Variants in NARS2 observed in about 807,000 individuals in gnomAD.
NARS2 encodes the protein asparaginyl-tRNA synthetase 2, mitochondrial, also known as asparaginyl-tRNA synthetase.
In NARS2, 60 loss-of-function variants were observed where a neutral mutation model predicts 62.9. That is an observed-to-expected ratio of 0.95 (90% CI 0.77 to 1.18). The LOEUF (loss-of-function observed/expected upper bound fraction) is 1.18, where lower values mean the gene tolerates loss of function less well. NARS2 is among the 50% of genes most tolerant of loss of function. The pLI is 0.00. For missense variants in NARS2, 619 were observed against 576.4 expected, an observed-to-expected ratio of 1.07 and a Z score of -0.76; for synonymous variants, 196 against 200.0, an observed-to-expected ratio of 0.98 and a Z score of 0.17.
rs1450740619 is a variant in NARS2, at chr11:78,436,275, C to T, written c.*395G>A. The T allele has an allele frequency of 6.4e-6, 1 of 157,168 alleles. No homozygotes were observed. Among genetic ancestry groups the T allele is most frequent in the Non-Finnish European group, 1.4e-5 (1 of 71,336 alleles). The allele number at this position is 157,168 out of a possible 1,614,324, so 9.7% of individuals were successfully genotyped here. A position where few individuals can be genotyped will look rare whatever the true frequency, so the allele number is the denominator to read the frequency against. On this transcript the variant is annotated 3_prime_UTR_variant, in exon 14 of 14. Coordinates refer to ENST00000281038, the MANE Select transcript of NARS2 (RefSeq NM_024678.6). ...ATATGGCAAGGGAGAAAAGATGCAA[C>T]ATTATTTTATTTCGAGCTACTAGAT...
chr11:78,442,995 A>G (rs541969961), intron 12 of NARS2, among the ~76,000 whole-genome samples: 1 of 152,258 alleles, frequency 6.6e-6, no homozygotes, highest in African/African-American at 2.4e-5. Flanking sequence ...GCCAATCATA[A>G]TTGAGAGTAA....
intron 11 of NARS2, among the ~76,000 whole-genome samples, chr11:78,449,147 T>G (rs1226643450): frequency 2.7e-5 from 4 of 147,796 alleles, no homozygotes; most frequent in Non-Finnish European, 6.0e-5. Flanking sequence ...TTTTTTTTTT[T>G]TTTTTTGAGT....
chr11:78,458,310 C>G (rs1340542594), intron 11 of NARS2, among the ~76,000 whole-genome samples: 1 of 152,084 alleles, frequency 6.6e-6, no homozygotes, highest in Non-Finnish European at 1.5e-5. Flanking sequence ...TAGGAAGAGA[C>G]AACTTCATAC....
At chr11:78,568,778 C>A in intron 2 of NARS2, 26 bp from the exon 3 acceptor site, 1 of 1,541,356 alleles carries the variant, frequency 6.5e-7, no homozygotes, top group Admixed American at 1.8e-5. Context: ...ACAAGATAAA[C>A]AAGATATCAT....
intron 4 of NARS2, among the ~76,000 whole-genome samples, chr11:78,563,287 G>A (rs893307498): frequency 1.4e-5 from 2 of 141,286 alleles, no homozygotes; most frequent in East Asian, 4.1e-4. Flanking sequence ...GCGCAATCTC[G>A]GTTCACTGCA....
At chr11:78,455,938 G>A (rs1858146464) in intron 11 of NARS2, among the ~76,000 whole-genome samples, 2 of 151,650 alleles carry the variant, frequency 1.3e-5, no homozygotes, top group African/African-American at 2.4e-5. Flanking sequence ...CTTGCCACAC[G>A]GGTACTCAAT....
At chr11:78,558,595 T>C (rs1856448646) in intron 5 of NARS2, 1 of 152,224 alleles carries the variant, frequency 6.6e-6, no homozygotes, top group Admixed American at 6.5e-5. Flanking sequence ...TACAACCGGC[T>C]AATGATTTTA....
Position 78,478,571 on chromosome 11 carries a change from A to G in NARS2, c.921+14T>C, listed in dbSNP as rs939478793. 1 of 1,557,842 alleles carries G rather than the reference A, an allele frequency of 6.4e-7. No homozygotes were observed. The highest frequency in any genetic ancestry group is 8.8e-7 in the Non-Finnish European group (1 of 1,131,306). On this transcript the variant is annotated intron_variant, in intron 8 of 13. Transcript: ENST00000281038. ...ACAGTAGATGTATTGGGCTTTATCC[A>G]TAAAACTAATTACCTTTTGGCCAGG... is the stretch of plus-strand genomic sequence containing the variant.
intron 7 of NARS2, among the ~76,000 whole-genome samples, chr11:78,484,545 A>G (rs1859491734): frequency 6.6e-6 from 1 of 152,212 alleles, no homozygotes; most frequent in African/African-American, 2.4e-5. Flanking sequence ...ATTTACAAGA[A>G]AAAAACAAAC....
intron 10 of NARS2, among the ~76,000 whole-genome samples, chr11:78,468,357 G>T (rs1858721298): frequency 7.7e-6 from 1 of 130,398 alleles, no homozygotes; most frequent in Non-Finnish European, 1.6e-5. Flanking sequence ...AAACACACCT[G>T]TTTAGTTATG....
intron 6 of NARS2, among the ~76,000 whole-genome samples, chr11:78,513,095 T>A (rs866662598): frequency 1.3e-5 from 2 of 151,562 alleles, no homozygotes; most frequent in African/African-American, 4.8e-5. Context: ...GCCAAAAATA[T>A]AAAAATTAGC....
chr11:78,489,823 G>C (rs1859740047), intron 7 of NARS2, among the ~76,000 whole-genome samples: 1 of 152,122 alleles, frequency 6.6e-6, no homozygotes, highest in Non-Finnish European at 1.5e-5. Flanking sequence ...GAGGCTGAGA[G>C]GCAGGAGGAT....
At chr11:78,472,510 A>G (rs527524044) in intron 9 of NARS2, among the ~76,000 whole-genome samples, 1 of 152,372 alleles carries the variant, frequency 6.6e-6, no homozygotes, top group South Asian at 2.1e-4. Flanking sequence ...AATAATATAA[A>G]GGAAATGTAA....
chr11:78,531,363 T>G (rs1223387737), intron 5 of NARS2, among the ~76,000 whole-genome samples: 1 of 151,806 alleles, frequency 6.6e-6, no homozygotes, highest in Non-Finnish European at 1.5e-5. Flanking sequence ...AAAACTAAAA[T>G]CACACAAGGT....
intron 9 of NARS2, among the ~76,000 whole-genome samples, chr11:78,474,693 T>A (rs1859012502): frequency 6.6e-6 from 1 of 152,200 alleles, no homozygotes; most frequent in Non-Finnish European, 1.5e-5. Context: ...GGCTAAGTCC[T>A]GGGGGTATAA....
intron 10 of NARS2, 86 bp downstream of exon 10, chr11:78,469,161 A>G (rs1565218481): frequency 2.2e-6 from 2 of 901,048 alleles, no homozygotes; most frequent in Non-Finnish European, 3.6e-6. Context: ...AATTAAGATG[A>G]TTTTGAAAGA....
Position 78,574,637 on chromosome 11 carries a change from C to T in NARS2, c.-149G>A, listed in dbSNP as rs572960143. 4.6e-5 allele frequency: 37 copies of T among 796,404 alleles called. No individual in the cohort carries two copies. In the South Asian group the frequency reaches 6.6e-4, roughly 14 times the overall value. 49.3% of individuals were successfully genotyped at this position (796,404 alleles called of 1,614,324 possible). On this transcript the variant is annotated 5_prime_UTR_variant, in exon 1 of 14. Coordinates refer to ENST00000281038, the MANE Select transcript of NARS2 (RefSeq NM_024678.6). ...AGAGCCCCTCGGCTGCGCGCTTTCT[C>T]CTTCAGGACTCCCAGCTCTGTCCCC... is the stretch of plus-strand genomic sequence containing the variant.
At chr11:78,531,790 G>A in intron 5 of NARS2, among the ~76,000 whole-genome samples, 1 of 152,120 alleles carries the variant, frequency 6.6e-6, no homozygotes, top group East Asian at 1.9e-4. Context: ...GACTTAAAAG[G>A]CTATGTATGA....
intron 11 of NARS2, among the ~76,000 whole-genome samples, chr11:78,458,073 GT>G (rs1458850968): frequency 1.3e-5 from 2 of 152,064 alleles, no homozygotes; most frequent in Non-Finnish European, 2.9e-5. Flanking sequence ...GGTGAATACG[GT>G]TAACTACAAT....
Sources: allele counts gnomAD v4.1 joint callset (sites outside exome capture counted in the v4.1 genomes callset), GRCh38; gene constraint gnomAD v4.1.1; transcripts MANE v1.5; gene names NCBI Gene and HGNC (gene_info 2026-07-23, HGNC 2026-07-21).